RNLS: variants seen among roughly 807,000 people sequenced by gnomAD.
The protein encoded by RNLS is renalase.
RNLS carries 39 observed loss-of-function variants against 39.8 expected under a neutral mutation model. The ratio of observed to expected loss-of-function variants is 0.98; its 90% CI spans 0.76 to 1.28. RNLS has a LOEUF of 1.28. Ranked by LOEUF, RNLS falls within the 50% of genes most tolerant of loss-of-function variation. The probability of loss-of-function intolerance (pLI) is 0.00; values close to 1 mark genes in which losing one functional copy is unlikely to be tolerated. For synonymous variants in RNLS, 147 were observed against 150.7 expected (o/e 0.98, Z 0.18); for missense variants, 410 against 413.3 (o/e 0.99, Z 0.07).
intron 5 of RNLS, among the ~76,000 whole-genome samples, chr10:88,344,650 C>T (rs1156696291): frequency 1.3e-5 from 2 of 151,820 alleles, no homozygotes; most frequent in African/African-American, 4.8e-5. Context: ...TTCAACTGAC[C>T]TCAAGGTTCT....
intron 4 of RNLS, among the ~76,000 whole-genome samples, chr10:88,410,806 A>C (rs1853607728): frequency 6.6e-6 from 1 of 152,134 alleles, no homozygotes. Context: ...ATTAAAGAAT[A>C]AATAAGAAAT....
At chr10:88,530,418 CT>C (rs1847350315) in intron 4 of RNLS, among the ~76,000 whole-genome samples, 1 of 152,004 alleles carries the variant, frequency 6.6e-6, no homozygotes, top group South Asian at 2.1e-4. Flanking sequence ...GTTTTTGTGA[CT>C]TTTAGTTAAT....
the RNLS span, among the ~76,000 whole-genome samples, chr10:88,203,396 G>GTATATATATATATATACACGTATGTGTA: frequency 1.3e-4 from 1 of 7,838 alleles, no homozygotes; most frequent in African/African-American, 9.6e-4. Context: ...ACACGTATGT[G>GTATATATATATATATACACGTATGTGTA]TATATATATA....
chr10:88,505,560 A>G (rs1845745004), intron 4 of RNLS, among the ~76,000 whole-genome samples: 1 of 152,036 alleles, frequency 6.6e-6, no homozygotes, highest in South Asian at 2.1e-4. Flanking sequence ...GGGAGAGAAG[A>G]AGGAATAATA....
chr10:88,326,887 T>C (rs565989065), intron 5 of RNLS, among the ~76,000 whole-genome samples: 2 of 152,332 alleles, frequency 1.3e-5, no homozygotes, highest in Non-Finnish European at 2.9e-5. Flanking sequence ...CTTGCATCAG[T>C]GTGACCTGGA....
At chr10:88,477,079 A>G (rs1173457425) in intron 4 of RNLS, among the ~76,000 whole-genome samples, 3 of 151,836 alleles carry the variant, frequency 2.0e-5, no homozygotes, top group African/African-American at 7.3e-5. Context: ...ATTAACCCAA[A>G]ACAAGAGTAA....
chr10:88,176,793 T>C, the RNLS span, among the ~76,000 whole-genome samples: 2,732 of 152,330 alleles, frequency 0.018, 90 homozygotes, highest in African/African-American at 0.062. Context: ...TTTTAATTTA[T>C]GAATTCCCTC....
At chr10:88,293,518 T>A (rs778415912) in intron 6 of RNLS, among the ~76,000 whole-genome samples, 7 of 152,310 alleles carry the variant, frequency 4.6e-5, no homozygotes, top group East Asian at 1.9e-4. Flanking sequence ...TAAGTGCATT[T>A]TATATATATA....
rs548041309 is a variant in RNLS, at chr10:88,374,583, G to A, written c.527-11858C>T. ...GGGAAATGTGTACATCTGCTAGGGC[G>A]TGATCTCGATGATGAGGTGACATAT... On this transcript the variant is annotated intron_variant, in intron 4 of 6. Coordinates refer to ENST00000331772, the MANE Select transcript of RNLS (RefSeq NM_001031709.3). 8.5e-4 allele frequency among the ~76,000 whole-genome samples: 130 copies of A among 152,142 alleles called. 1 individual carries two copies. The highest frequency in any genetic ancestry group is 2.0e-3 in the Admixed American group (31 of 15,258).
chr10:88,469,293 T>C (rs747641395), intron 4 of RNLS, among the ~76,000 whole-genome samples: 2 of 152,216 alleles, frequency 1.3e-5, no homozygotes, highest in African/African-American at 4.8e-5. Context: ...GGCTGATTAA[T>C]AGAGGTATCT....
the RNLS span, among the ~76,000 whole-genome samples, chr10:88,201,694 C>CAAAAA: frequency 2.0e-5 from 3 of 147,134 alleles, no homozygotes. Flanking sequence ...AATTGTGAGC[C>CAAAAA]AAAAAAAAAA....
At chr10:88,322,491 C>G (rs960940863) in intron 5 of RNLS, among the ~76,000 whole-genome samples, 47 of 152,152 alleles carry the variant, frequency 3.1e-4, no homozygotes, top group Admixed American at 3.0e-3. Context: ...TGAGTTCTCA[C>G]AAGATCTGAT....
chr10:88,509,672 C>A (rs1005700992), intron 4 of RNLS, among the ~76,000 whole-genome samples: 1 of 131,174 alleles, frequency 7.6e-6, no homozygotes, highest in African/African-American at 2.9e-5. Context: ...AAAATAAGTG[C>A]AAAAAGTTAT....
chr10:88,172,654 G>T, the RNLS span, among the ~76,000 whole-genome samples: 3 of 151,164 alleles, frequency 2.0e-5, no homozygotes, highest in Non-Finnish European at 2.9e-5. Context: ...TTGCTTCCTT[G>T]CCTATGCAGA....
At chr10:88,509,518 G>A (rs970703058) in intron 4 of RNLS, among the ~76,000 whole-genome samples, 2 of 148,846 alleles carry the variant, frequency 1.3e-5, no homozygotes, top group African/African-American at 2.5e-5. Flanking sequence ...GGAGGGCGGG[G>A]GAGAAGGGCA....
rs112956101 is a variant in RNLS, at chr10:88,275,225, AT to A, written c.877-194del. Among the ~76,000 whole-genome samples, 37,195 of 152,042 alleles carry A rather than the reference AT, an allele frequency of 0.24. 4,607 individuals carry two copies. The highest frequency in any genetic ancestry group is 0.27 in the South Asian group (1,301 of 4,820). ...CACCAAGCAGGACCCCCCATTTTACATTCTTTATCCTAACCTTGTCCCACTT... is the reference window on the plus strand; with the variant it reads ...CACCAAGCAGGACCCCCCATTTTACATCTTTATCCTAACCTTGTCCCACTT... On this transcript the variant is annotated intron_variant, in intron 6 of 6. Transcript: ENST00000371947.
chr10:88,266,230 T>C, the RNLS span, among the ~76,000 whole-genome samples: 2 of 152,154 alleles, frequency 1.3e-5, no homozygotes, highest in African/African-American at 4.8e-5. Context: ...ATAACAATGA[T>C]TCACTTCTCC....
At chr10:88,516,562 A>G (rs1268027944) in intron 4 of RNLS, among the ~76,000 whole-genome samples, 2 of 152,054 alleles carry the variant, frequency 1.3e-5, no homozygotes, top group African/African-American at 2.4e-5. Context: ...ATATGCATTC[A>G]TGGCTATATT....
At chr10:88,452,117 T>C (rs1399665738) in intron 4 of RNLS, among the ~76,000 whole-genome samples, 1 of 152,154 alleles carries the variant, frequency 6.6e-6, no homozygotes, top group African/African-American at 2.4e-5. Context: ...AACTTTAGAG[T>C]AGGTCTGAAT....
Sources: gnomAD v4.1 joint callset for allele counts (sites outside exome capture counted in the v4.1 genomes callset) on GRCh38, gnomAD v4.1.1 for gene constraint, MANE v1.5 for transcripts, NCBI Gene and HGNC (gene_info 2026-07-23, HGNC 2026-07-21) for gene names.